Variants in RAPGEF4 observed in about 807,000 individuals in gnomAD.
The protein encoded by RAPGEF4 is RAP guanine-nucleotide-exchange factor (GEF) 4.
Under a neutral mutation model 147.9 loss-of-function variants are expected in RAPGEF4, and 66 were observed. The ratio of observed to expected loss-of-function variants is 0.45; its 90% CI spans 0.37 to 0.55. The LOEUF is 0.55. Ranked by LOEUF, RAPGEF4 falls within the 20% of genes least tolerant of loss-of-function variation. The probability of loss-of-function intolerance (pLI) is 0.00; values close to 1 mark genes in which losing one functional copy is unlikely to be tolerated. For synonymous variants in RAPGEF4, 419 were observed against 442.7 expected, an observed-to-expected ratio of 0.95 and a Z score of 0.67; for missense variants, 1,071 against 1,257.3, an observed-to-expected ratio of 0.85 and a Z score of 2.24.
Position 173,022,571 on chromosome 2 carries a change from C to G in RAPGEF4, c.2253+1856C>G, listed in dbSNP as rs181411872. Among the ~76,000 whole-genome samples, 41 of 152,290 alleles carry G rather than the reference C, an allele frequency of 2.7e-4. No homozygotes were observed. The East Asian group carries it at 3.1e-3, about 11-fold the overall frequency. ...TGCAGTAGAGAATGTTGGCCACACT[C>G]TCTGATCCATCCACACATGCTTCTG... On this transcript the variant is annotated intron_variant, in intron 23 of 30. Transcript: ENST00000397081.
At chr2:172,893,070 C>T (rs1353366552) in intron 4 of RAPGEF4, among the ~76,000 whole-genome samples, 7 of 151,838 alleles carry the variant, frequency 4.6e-5, no homozygotes, top group Admixed American at 3.3e-4. Flanking sequence ...CCCCTTCTGT[C>T]GGGCACCATG....
chr2:172,822,459 T>C (rs1689174656), intron 4 of RAPGEF4, among the ~76,000 whole-genome samples: 1 of 152,226 alleles, frequency 6.6e-6, no homozygotes, highest in South Asian at 2.1e-4. Context: ...TTGCTGTTTA[T>C]AGGCATTCTG....
chr2:172,952,410 G>A (rs1679343419), intron 6 of RAPGEF4, among the ~76,000 whole-genome samples: 1 of 152,228 alleles, frequency 6.6e-6, no homozygotes, highest in African/African-American at 2.4e-5. Context: ...TTTGTAAAAG[G>A]AGGAGGGAAC....
At chr2:172,807,841 A>T (rs963885038) in intron 3 of RAPGEF4, among the ~76,000 whole-genome samples, 1 of 152,228 alleles carries the variant, frequency 6.6e-6, no homozygotes, top group Non-Finnish European at 1.5e-5. Flanking sequence ...TTAACTCAGT[A>T]TATGTCCAAA....
chr2:172,999,234 A>G (rs1417151610), intron 16 of RAPGEF4, among the ~76,000 whole-genome samples: 1 of 152,168 alleles, frequency 6.6e-6, no homozygotes, highest in African/African-American at 2.4e-5. Flanking sequence ...CATTTCCTGC[A>G]GTTTTTCCTG....
At chr2:172,738,649 C>CT (rs1005646473) in intron 1 of RAPGEF4, among the ~76,000 whole-genome samples, 14 of 152,210 alleles carry the variant, frequency 9.2e-5, no homozygotes, top group Non-Finnish European at 2.9e-5. Flanking sequence ...TTTATAAAAT[C>CT]TTTTTTATTA....
At chr2:172,775,541 T>C (rs1684078300) in intron 1 of RAPGEF4, among the ~76,000 whole-genome samples, 1 of 152,196 alleles carries the variant, frequency 6.6e-6, no homozygotes, top group Non-Finnish European at 1.5e-5. Context: ...TGAGGCATAT[T>C]GGAAATTTGT....
At chr2:172,905,173 C>T (rs552648993) in intron 4 of RAPGEF4, among the ~76,000 whole-genome samples, 7 of 152,238 alleles carry the variant, frequency 4.6e-5, no homozygotes, top group Admixed American at 1.3e-4. Context: ...CTGAATTTGC[C>T]CTCTCCTCCC....
At chr2:172,987,477 C>T (rs1575451294) in intron 12 of RAPGEF4, among the ~76,000 whole-genome samples, 1 of 152,064 alleles carries the variant, frequency 6.6e-6, no homozygotes, top group Non-Finnish European at 1.5e-5. Flanking sequence ...ATGTGTTCCA[C>T]GTTTACGAAT....
intron 6 of RAPGEF4, among the ~76,000 whole-genome samples, 186 bp from the exon 7 acceptor site, chr2:172,960,574 A>G (rs868012969): frequency 1.3e-5 from 2 of 152,174 alleles, no homozygotes; most frequent in African/African-American, 4.8e-5. Context: ...GGCAAATTGA[A>G]TGGTCTAATT....
Position 173,027,265 on chromosome 2 carries a change from T to C in RAPGEF4, c.2558+6T>C. On this transcript the variant is annotated splice_donor_region_variant and intron_variant, in intron 25 of 30. Coordinates refer to ENST00000397081, the MANE Select transcript of RAPGEF4 (RefSeq NM_007023.4). The stretch of plus-strand genomic sequence containing the variant: ...TTTATTAAGATAGCAGCCCAGTAAG[T>C]ATATTTAGCTTGGAAAGAGAAAAAA... 2 of 1,565,362 alleles carry C rather than the reference T, an allele frequency of 1.3e-6. No individual in the cohort carries two copies. The highest frequency in any genetic ancestry group is 1.7e-6 in the Non-Finnish European group (2 of 1,162,306).
chr2:172,801,959 G>A (rs1051516279), intron 3 of RAPGEF4, among the ~76,000 whole-genome samples: 2 of 152,172 alleles, frequency 1.3e-5, no homozygotes, highest in Non-Finnish European at 2.9e-5. Context: ...CAGTGAAAGG[G>A]GTGTGGCCCT....
chr2:172,860,627 G>A (rs1413851601), intron 4 of RAPGEF4, among the ~76,000 whole-genome samples: 1 of 144,108 alleles, frequency 6.9e-6, no homozygotes, highest in Non-Finnish European at 1.5e-5. Context: ...GAGTAGATCT[G>A]AAATGAAAAA....
rs938012528 is a variant in RAPGEF4 at position 173,036,259 on chromosome 2, G to T, written c.2788+47G>T. On this transcript the variant is annotated intron_variant, in intron 28 of 30. Transcript: ENST00000397081. The stretch of plus-strand genomic sequence containing the variant: ...GGCCAAGCAGGTGATGAGTATTTGG[G>T]GAGGGAAATGAACAATACCTTGATA... 2.9e-6 allele frequency: 4 copies of T among 1,388,002 alleles called. No homozygotes were observed. The African/African-American group carries it at 5.7e-5, about 20-fold the overall frequency. 86.0% of individuals were successfully genotyped at this position (1,388,002 alleles called of 1,614,324 possible).
At chr2:173,016,669 G>T (rs1424130643) in intron 19 of RAPGEF4, among the ~76,000 whole-genome samples, 7 of 152,184 alleles carry the variant, frequency 4.6e-5, no homozygotes, top group Non-Finnish European at 8.8e-5. Flanking sequence ...GGAAAGAAAA[G>T]ATCCTCCTGG....
intron 1 of RAPGEF4, among the ~76,000 whole-genome samples, chr2:172,786,579 G>GT (rs1381935981): frequency 1.3e-5 from 2 of 152,148 alleles, no homozygotes; most frequent in African/African-American, 4.8e-5. Flanking sequence ...AAAAAGAATG[G>GT]TTTTAACACT....
chr2:172,878,605 A>C (rs1416689120), intron 4 of RAPGEF4, among the ~76,000 whole-genome samples: 1 of 152,212 alleles, frequency 6.6e-6, no homozygotes, highest in Non-Finnish European at 1.5e-5. Context: ...ATTCTTTTGG[A>C]GAATGAAGGC....
intron 17 of RAPGEF4, among the ~76,000 whole-genome samples, chr2:173,011,161 C>CGCGCGCGT (rs1553548106): frequency 1.3e-5 from 1 of 77,124 alleles, no homozygotes; most frequent in African/African-American, 5.0e-5. Flanking sequence ...GGAACTTCAG[C>CGCGCGCGT]GCGCGCGCGC....
chr2:172,957,888 C>G (rs1373036636), intron 6 of RAPGEF4, among the ~76,000 whole-genome samples: 1 of 152,196 alleles, frequency 6.6e-6, no homozygotes, highest in Non-Finnish European at 1.5e-5. Flanking sequence ...TACTTCTTTG[C>G]TTTAGTAACA....
Sources: allele counts gnomAD v4.1 joint callset (sites outside exome capture counted in the v4.1 genomes callset), GRCh38; gene constraint gnomAD v4.1.1; transcripts MANE v1.5; gene names NCBI Gene and HGNC (gene_info 2026-07-23, HGNC 2026-07-21).